The following RIMKLB variants were observed in gnomAD, a reference collection of about 807,000 sequenced individuals.
RIMKLB encodes ribosomal modification protein rimK like family member B.
A neutral mutation model predicts 32.0 loss-of-function variants in RIMKLB; 7 were observed. The observed-to-expected ratio is 0.22, with a 90% CI of 0.12 to 0.41. RIMKLB has a LOEUF of 0.41. RIMKLB is among the 10% of genes least tolerant of loss of function. The pLI, the probability that RIMKLB is intolerant of heterozygous loss-of-function variation, is 1.00. For synonymous variants in RIMKLB, 172 were observed against 185.1 expected, an observed-to-expected ratio of 0.93 and a Z score of 0.57; for missense variants, 289 against 498.7, an observed-to-expected ratio of 0.58 and a Z score of 4.00.
chr12:8,709,909 G>T (rs1286040403), intron 1 of RIMKLB, among the ~76,000 whole-genome samples: 1 of 152,140 alleles, frequency 6.6e-6, no homozygotes, highest in East Asian at 1.9e-4. Context: ...CATCCACTGG[G>T]GGTCTTGGAA....
exon 8 of RIMKLB, chr12:8,782,949 CTCA>C (rs929153330): frequency 6.6e-6 from 1 of 152,110 alleles, no homozygotes; most frequent in African/African-American, 2.4e-5. Context: ...TTTGCTTACC[CTCA>C]TCAACAGAAT....
At chr12:8,739,425 A>G (rs1288061758) in intron 2 of RIMKLB, among the ~76,000 whole-genome samples, 1 of 152,104 alleles carries the variant, frequency 6.6e-6, no homozygotes, top group African/African-American at 2.4e-5. Context: ...TCAAGTGATC[A>G]TCCCACCTTG....
At position 8,777,130 on chromosome 12, in the gene RIMKLB, G is replaced by C; in HGVS notation, c.*3346G>C. 1 of 981,040 alleles carries C rather than the reference G, an allele frequency of 1.0e-6. No homozygotes were observed. Among genetic ancestry groups the C allele is most frequent in the Non-Finnish European group, 1.2e-6 (1 of 828,752 alleles). 60.8% of individuals were successfully genotyped at this position (981,040 alleles called of 1,614,324 possible). On this transcript the variant is annotated 3_prime_UTR_variant, in exon 6 of 6. Coordinates refer to ENST00000535829, the MANE Select transcript of RIMKLB (RefSeq NM_001297776.2). ...TGTTTGTTTGTTCAATTTTATTTAA[G>C]ATTTGTTTTTGTTGTACTAGGATTT...
At chr12:8,679,312 AGCT>A (rs1302151949), upstream of RIMKLB, 4 of 152,120 alleles carry the variant, frequency 2.6e-5, no homozygotes, top group African/African-American at 4.8e-5. Flanking sequence ...CCTCCTGAGG[AGCT>A]GGGATTACAG....
chr12:8,716,063 G>A (rs1944801737), intron 2 of RIMKLB, among the ~76,000 whole-genome samples: 1 of 152,164 alleles, frequency 6.6e-6, no homozygotes, highest in South Asian at 2.1e-4. Context: ...AGTGTAAAAC[G>A]TTAGTTCACT....
At chr12:8,756,684 C>CTTTTTTTTTTTTTTT (rs145312687) in intron 5 of RIMKLB, among the ~76,000 whole-genome samples, 2 of 90,966 alleles carry the variant, frequency 2.2e-5, no homozygotes, top group African/African-American at 4.4e-5. Flanking sequence ...TTACTTTCTA[C>CTTTTTTTTTTTTTTT]TTTTTTTTTT....
At chr12:8,765,986 C>G (rs918237509) in intron 5 of RIMKLB, among the ~76,000 whole-genome samples, 1 of 151,958 alleles carries the variant, frequency 6.6e-6, no homozygotes, top group Admixed American at 6.6e-5. Flanking sequence ...ATGAGGATAT[C>G]GTGGCCAGGC....
chr12:8,729,585 C>T (rs865960330), intron 2 of RIMKLB, among the ~76,000 whole-genome samples: 1 of 151,948 alleles, frequency 6.6e-6, no homozygotes, highest in Admixed American at 6.6e-5. Context: ...AGGCAGCATT[C>T]GAGCAGGAAA....
In RIMKLB at chr12:8,749,896, C is replaced by T; in HGVS notation, c.210C>T (p.Tyr70=). Residue 70 remains tyrosine, a synonymous_variant, in exon 3 of 6, where the codon TAC becomes TAT. Coordinates refer to ENST00000535829, the MANE Select transcript of RIMKLB (RefSeq NM_001297776.2). ...TCAATGGAGAGCTAATCACTGCCTA[C>T]CCACAAGTGGTGGTAGTCAGAGTAC... ...LRINGELITA[Y]PQVVVVRVPT... 6.2e-7 allele frequency: 1 copy of T among 1,610,836 alleles called. No individual in the cohort carries two copies. The highest frequency in any genetic ancestry group is 8.5e-7 in the Non-Finnish European group (1 of 1,177,302).
In RIMKLB at chr12:8,774,572, CTTTT is replaced by C. The variant is rs56912350; in HGVS notation, c.*801_*804del. On this transcript the variant is annotated 3_prime_UTR_variant, in exon 6 of 6. Transcript: ENST00000535829. ...TGAAAGATGTGCTCTGTTAATGTTG[CTTTT>C]TTTTTTTTTTTTAATACATGCTAGT... The C allele has an allele frequency of 8.8e-5, 78 of 889,052 alleles. No homozygotes were observed. Among genetic ancestry groups the C allele is most frequent in the Non-Finnish European group, 1.0e-4 (76 of 762,266 alleles). The allele number at this position is 889,052 out of a possible 1,614,324, so 55.1% of individuals were successfully genotyped here.
chr12:8,765,114 T>TA (rs1949848886), intron 5 of RIMKLB, among the ~76,000 whole-genome samples: 1 of 151,884 alleles, frequency 6.6e-6, no homozygotes. Context: ...CATTTAAGAT[T>TA]AGTTGGCCTT....
At chr12:8,701,647 CTTTT>C (rs752751224) in intron 1 of RIMKLB, among the ~76,000 whole-genome samples, 10 of 124,732 alleles carry the variant, frequency 8.0e-5, no homozygotes, top group South Asian at 5.3e-4. Context: ...GGCCTGATCT[CTTTT>C]TTTTTTTTTT....
chr12:8,705,294 T>A (rs892201667), intron 1 of RIMKLB, among the ~76,000 whole-genome samples: 1 of 151,936 alleles, frequency 6.6e-6, no homozygotes. Context: ...CTGGCCAACA[T>A]GGCGAAACTC....
downstream of RIMKLB, chr12:8,777,885 A>C (rs1950826009): frequency 4.9e-6 from 1 of 203,894 alleles, no homozygotes; most frequent in Admixed American, 6.0e-5. Flanking sequence ...TACTTTAAAA[A>C]GTAACCATGG....
chr12:8,724,018 A>G (rs956172468), intron 2 of RIMKLB, among the ~76,000 whole-genome samples: 1 of 147,424 alleles, frequency 6.8e-6, no homozygotes, highest in Non-Finnish European at 1.5e-5. Context: ...GTTTTTATGG[A>G]GTTGGGGTTT....
At chr12:8,689,525 CTT>C (rs1271368093) in intron 1 of RIMKLB, among the ~76,000 whole-genome samples, 1 of 152,192 alleles carries the variant, frequency 6.6e-6, no homozygotes. Context: ...ATTAATCTGT[CTT>C]GTTTCATTCA....
intron 2 of RIMKLB, among the ~76,000 whole-genome samples, chr12:8,728,522 T>G (rs976771027): frequency 6.6e-6 from 1 of 152,142 alleles, no homozygotes; most frequent in Non-Finnish European, 1.5e-5. Context: ...TTTGTATTTT[T>G]CTCCCCCTAG....
At chr12:8,735,204 C>T (rs1376976135) in intron 2 of RIMKLB, among the ~76,000 whole-genome samples, 1 of 152,056 alleles carries the variant, frequency 6.6e-6, no homozygotes, top group African/African-American at 2.4e-5. Context: ...ACTTATCAGG[C>T]AGCAATATTT....
chr12:8,712,137 T>C (rs1287191388), intron 1 of RIMKLB, among the ~76,000 whole-genome samples: 1 of 151,618 alleles, frequency 6.6e-6, no homozygotes, highest in African/African-American at 2.4e-5. Flanking sequence ...CCATAGTGTT[T>C]ATATATTTTT....
Sources: allele counts gnomAD v4.1 joint callset (sites outside exome capture counted in the v4.1 genomes callset), GRCh38; gene constraint gnomAD v4.1.1; transcripts MANE v1.5; gene names NCBI Gene and HGNC (gene_info 2026-07-23, HGNC 2026-07-21).